The following USP6NL variants were observed in gnomAD, a reference collection of about 807,000 sequenced individuals.
USP6NL encodes the protein USP6 N-terminal like, also known as USP6 N-terminal-like protein.
In USP6NL, 26 loss-of-function variants were observed where a neutral mutation model predicts 61.9. The ratio of observed to expected loss-of-function variants is 0.42; its 90% CI spans 0.31 to 0.58. USP6NL has a LOEUF of 0.58. Among genes scored for constraint, USP6NL ranks in the 20% least tolerant of loss-of-function variants. The pLI is 0.16. For synonymous variants in USP6NL, 432 were observed against 390.1 expected, an observed-to-expected ratio of 1.11 and a Z score of -1.27; for missense variants, 1,114 against 1,034.3, an observed-to-expected ratio of 1.08 and a Z score of -1.06.
chr10:11,582,798 T>A (rs1423348770), intron 2 of USP6NL, among the ~76,000 whole-genome samples: 1 of 151,818 alleles, frequency 6.6e-6, no homozygotes, highest in East Asian at 1.9e-4. Flanking sequence ...ATACAAAGCT[T>A]CACAAACACG....
chr10:11,605,657 A>T (rs1290046308), intron 1 of USP6NL, among the ~76,000 whole-genome samples: 2 of 152,232 alleles, frequency 1.3e-5, no homozygotes, highest in African/African-American at 4.8e-5. Flanking sequence ...GAAAAGTGGC[A>T]AAGCATATCT....
chr10:11,525,301 T>A lies in USP6NL; in HGVS notation c.155+85A>T. On this transcript the variant is annotated intron_variant, in intron 4 of 14. Coordinates refer to ENST00000609104, the MANE Select transcript of USP6NL (RefSeq NM_014688.5). The surrounding 1 kb of genome is among the most constrained non-coding windows in gnomAD (Gnocchi z 5.0). ...GACTATTCCTTATTCACAGCAATTA[T>A]ATTAAAAATAAAGAAAATCAATATA... 1 of 1,095,954 alleles carries A rather than the reference T, an allele frequency of 9.1e-7. No individual in the cohort carries two copies. The highest frequency in any genetic ancestry group is 2.8e-5 in the East Asian group (1 of 35,850). 67.9% of individuals were successfully genotyped at this position (1,095,954 alleles called of 1,614,324 possible).
intron 2 of USP6NL, among the ~76,000 whole-genome samples, chr10:11,538,165 T>G (rs1835908773): frequency 6.6e-6 from 1 of 152,206 alleles, no homozygotes; most frequent in African/African-American, 2.4e-5. Context: ...TCCTAATTTC[T>G]AGAAAGATAG....
At chr10:11,509,455 C>T (rs984053824) in intron 6 of USP6NL, 140 bp downstream of exon 6, 12 of 670,936 alleles carry the variant, frequency 1.8e-5, no homozygotes, top group Non-Finnish European at 2.7e-5. Context: ...ACTCCTAATT[C>T]GAGGCATACT....
rs1838357373 is a variant in USP6NL at position 11,597,117 on chromosome 10, T to C, written c.4+514A>G. ...AGTATATAGGAATAGAGAGAAAATA[T>C]TACATATACTATCCCCTTACAACTA... On this transcript the variant is annotated intron_variant, in intron 2 of 14. Transcript: ENST00000609104. The surrounding 1 kb of genome is among the most constrained non-coding windows in gnomAD (Gnocchi z 4.6). Among the ~76,000 whole-genome samples, 1 of 152,146 alleles carries C rather than the reference T, an allele frequency of 6.6e-6. No individual in the cohort carries two copies. The highest frequency in any genetic ancestry group is 2.1e-4 in the South Asian group (1 of 4,834).
At position 11,474,524 on chromosome 10, in the gene USP6NL, A is replaced by C. The variant is rs1009448259; in HGVS notation, c.1078+7246T>G. On this transcript the variant is annotated intron_variant, in intron 14 of 14. Transcript: ENST00000609104. The surrounding 1 kb of genome is among the most constrained non-coding windows in gnomAD (Gnocchi z 4.9). ...GTTTATAAGTGGAACCAAACATTAA[A>C]GTTCCATTAGACGAGAATGTTAAAA... Among the ~76,000 whole-genome samples the C allele has an allele frequency of 6.6e-6, 1 of 152,222 alleles. No homozygotes were observed. Among genetic ancestry groups the C allele is most frequent in the Non-Finnish European group, 1.5e-5 (1 of 68,038 alleles).
At position 11,481,636 on chromosome 10, in the gene USP6NL, G is replaced by T. The variant is rs1833203563; in HGVS notation, c.1078+134C>A. ...GGAAAAAGCCAAAGCAGCTGAGCTG[G>T]TAAGGCATTCATCCACATTATGTCA... On this transcript the variant is annotated intron_variant, in intron 14 of 14. Transcript: ENST00000609104. The surrounding 1 kb of genome is among the most constrained non-coding windows in gnomAD (Gnocchi z 4.4). The T allele has an allele frequency of 1.1e-6, 1 of 919,006 alleles. No individual in the cohort carries two copies. Among genetic ancestry groups the T allele is most frequent in the Admixed American group, 3.8e-5 (1 of 26,156 alleles). 56.9% of individuals were successfully genotyped at this position (919,006 alleles called of 1,614,324 possible). A position where few individuals can be genotyped will look rare whatever the true frequency, so the allele number is the denominator to read the frequency against.
intron 2 of USP6NL, among the ~76,000 whole-genome samples, chr10:11,558,647 T>G (rs1836807260): frequency 6.6e-6 from 1 of 152,186 alleles, no homozygotes; most frequent in Non-Finnish European, 1.5e-5. Flanking sequence ...CACACTTGGC[T>G]CCTTAAAACC....
Position 11,602,743 on chromosome 10 carries a change from C to T in USP6NL, c.-83-5026G>A, listed in dbSNP as rs1838581376. On this transcript the variant is annotated intron_variant, in intron 1 of 14. Transcript: ENST00000609104. The surrounding 1 kb of genome is among the most constrained non-coding windows in gnomAD (Gnocchi z 4.8). Reference sequence around the variant, plus strand: ...CTTTGGATTTCATTTTTGGGATGCTCAACTGGTATAATGCAAATATTCCAA... The same window carrying T: ...CTTTGGATTTCATTTTTGGGATGCTTAACTGGTATAATGCAAATATTCCAA... Among the ~76,000 whole-genome samples the T allele has an allele frequency of 6.6e-6, 1 of 152,144 alleles. No homozygotes were observed. Among genetic ancestry groups the T allele is most frequent in the Non-Finnish European group, 1.5e-5 (1 of 68,026 alleles).
At position 11,553,513 on chromosome 10, in the gene USP6NL, T is replaced by C. The variant is rs920434467; in HGVS notation, c.5-25946A>G. On this transcript the variant is annotated intron_variant, in intron 2 of 14. Coordinates refer to ENST00000609104, the MANE Select transcript of USP6NL (RefSeq NM_014688.5). The surrounding 1 kb of genome is among the most constrained non-coding windows in gnomAD (Gnocchi z 4.8). ...TAAAAGGCTGAAAATCAATGTTCCT[T>C]AATATATTATGGGAATATATACTTA... 4.6e-5 allele frequency among the ~76,000 whole-genome samples: 7 copies of C among 152,214 alleles called. No homozygotes were observed. Among genetic ancestry groups the C allele is most frequent in the Non-Finnish European group, 1.5e-5 (1 of 68,034 alleles).
At chr10:11,604,057 T>C (rs1838636396) in intron 1 of USP6NL, among the ~76,000 whole-genome samples, 1 of 152,332 alleles carries the variant, frequency 6.6e-6, no homozygotes. Context: ...TTCACTTCCC[T>C]GACCCTCAGT....
intron 2 of USP6NL, among the ~76,000 whole-genome samples, chr10:11,566,096 G>A (rs1005867874): frequency 1.3e-5 from 2 of 152,182 alleles, no homozygotes; most frequent in African/African-American, 4.8e-5. Flanking sequence ...AGAGCTGGAT[G>A]GCTATGAAAA....
intron 7 of USP6NL, among the ~76,000 whole-genome samples, chr10:11,497,936 G>A (rs968158134): frequency 6.6e-6 from 1 of 152,008 alleles, no homozygotes; most frequent in Non-Finnish European, 1.5e-5. Context: ...AAAGCATTTA[G>A]ATAAAAAATT....
chr10:11,610,669 A>G (rs944128538), intron 1 of USP6NL, among the ~76,000 whole-genome samples: 3 of 149,902 alleles, frequency 2.0e-5, no homozygotes, highest in Non-Finnish European at 3.0e-5. Context: ...ATCACTGGGT[A>G]CGGCCCTAAT....
chr10:11,510,057 ATTG>A lies in USP6NL; in HGVS notation c.196-385_196-383del, dbSNP rs1169296685. 2.0e-5 allele frequency among the ~76,000 whole-genome samples: 3 copies of A among 152,282 alleles called. No homozygotes were observed. Among genetic ancestry groups the A allele is most frequent in the African/African-American group, 4.8e-5 (2 of 41,558 alleles). ...TTCTTATTTTACTGAATTCTAGTAT[ATTG>A]TTGTTTTTAGCGAGAGTTTTTTAAA... On this transcript the variant is annotated intron_variant, in intron 5 of 14. Coordinates refer to ENST00000609104, the MANE Select transcript of USP6NL (RefSeq NM_014688.5). This position sits in a 1 kb window ranked among gnomAD's most constrained non-coding sequence, Gnocchi z 4.8.
At chr10:11,609,056 C>CTT (rs1838794671) in intron 1 of USP6NL, among the ~76,000 whole-genome samples, 2 of 113,458 alleles carry the variant, frequency 1.8e-5, no homozygotes, top group Non-Finnish European at 4.2e-5. Context: ...CTATGCTTTT[C>CTT]TTTTCTTTTC....
At chr10:11,542,011 G>T (rs2133455459) in intron 2 of USP6NL, among the ~76,000 whole-genome samples, 1 of 152,286 alleles carries the variant, frequency 6.6e-6, no homozygotes, top group South Asian at 2.1e-4. Flanking sequence ...AATTTTTAAA[G>T]CAAATTATAT....
chr10:11,581,564 A>G (rs1837775451), intron 2 of USP6NL, among the ~76,000 whole-genome samples: 1 of 152,260 alleles, frequency 6.6e-6, no homozygotes, highest in Admixed American at 6.5e-5. Flanking sequence ...ATGTAGATAA[A>G]TGAGATGAAA....
chr10:11,534,986 A>G (rs1201681888), intron 2 of USP6NL, among the ~76,000 whole-genome samples: 1 of 152,234 alleles, frequency 6.6e-6, no homozygotes, highest in East Asian at 1.9e-4. Context: ...ATCTGCATGT[A>G]TTCATGAACA....
Sources: allele counts gnomAD v4.1 joint callset (sites outside exome capture counted in the v4.1 genomes callset), GRCh38; gene constraint gnomAD v4.1.1; non-coding constraint Gnocchi (gnomAD v3.1); transcripts MANE v1.5; gene names NCBI Gene and HGNC (gene_info 2026-07-23, HGNC 2026-07-21).